The following PCDH9 variants were observed in gnomAD, a reference collection of about 807,000 sequenced individuals.
PCDH9 encodes the protein protocadherin-9.
PCDH9 carries 24 observed loss-of-function variants against 70.6 expected under a neutral mutation model. The observed-to-expected ratio is 0.34, with a 90% CI of 0.25 to 0.48. The LOEUF (loss-of-function observed/expected upper bound fraction) is 0.48. PCDH9 is among the 20% of genes least tolerant of loss of function. The pLI, the probability that PCDH9 is intolerant of heterozygous loss-of-function variation, is 0.99. For missense variants in PCDH9, 1,281 were observed against 1,503.6 expected, an observed-to-expected ratio of 0.85 and a Z score of 2.45; for synonymous variants, 562 against 558.5, an observed-to-expected ratio of 1.01 and a Z score of -0.09.
chr13:66,972,155 T>G (rs913516168), intron 2 of PCDH9, among the ~76,000 whole-genome samples: 1 of 151,958 alleles, frequency 6.6e-6, no homozygotes, highest in East Asian at 1.9e-4. Flanking sequence ...CACACACATG[T>G]ACACACAGAA....
intron 4 of PCDH9, among the ~76,000 whole-genome samples, chr13:66,544,794 G>T (rs190193928): frequency 6.6e-6 from 1 of 152,010 alleles, no homozygotes; most frequent in Non-Finnish European, 1.5e-5. Context: ...AGATTGATGC[G>T]GCCATCAATA....
At chr13:66,610,575 G>A (rs982429352) in intron 4 of PCDH9, among the ~76,000 whole-genome samples, 7 of 151,936 alleles carry the variant, frequency 4.6e-5, no homozygotes, top group African/African-American at 1.2e-4. Context: ...GTGGAGTATT[G>A]GTATTTCTGG....
At chr13:67,014,922 C>T (rs992895264) in intron 2 of PCDH9, among the ~76,000 whole-genome samples, 5 of 152,078 alleles carry the variant, frequency 3.3e-5, no homozygotes, top group Non-Finnish European at 7.4e-5. Flanking sequence ...AATTGTCTAC[C>T]CTTTTTTTCT....
chr13:67,062,307 T>C (rs2085554786), intron 2 of PCDH9, among the ~76,000 whole-genome samples: 1 of 152,156 alleles, frequency 6.6e-6, no homozygotes, highest in South Asian at 2.1e-4. Context: ...CTCAACATAT[T>C]ACAGGAAAAA....
chr13:67,215,009 C>T (rs1327826962), intron 2 of PCDH9: 1 of 132,182 alleles, frequency 7.6e-6, no homozygotes, highest in Non-Finnish European at 1.6e-5. Flanking sequence ...ATGGATTTGG[C>T]ATGATTACAC....
intron 3 of PCDH9, among the ~76,000 whole-genome samples, chr13:66,829,299 G>C (rs1311616496): frequency 2.0e-5 from 3 of 152,254 alleles, no homozygotes; most frequent in African/African-American, 7.2e-5. Flanking sequence ...TTACAGGCGT[G>C]AGCCATCGCT....
intron 4 of PCDH9, among the ~76,000 whole-genome samples, chr13:66,397,291 C>T (rs1957116259): frequency 6.6e-6 from 1 of 151,910 alleles, no homozygotes. Context: ...TAGTGGCTTG[C>T]ACCTGTTGTC....
chr13:66,516,257 G>A, intron 4 of PCDH9, among the ~76,000 whole-genome samples: 1 of 151,910 alleles, frequency 6.6e-6, no homozygotes, highest in East Asian at 1.9e-4. Context: ...AACTTATTAA[G>A]ACAATCACGT....
At chr13:67,174,068 C>A (rs904068455) in intron 2 of PCDH9, among the ~76,000 whole-genome samples, 21 of 151,886 alleles carry the variant, frequency 1.4e-4, no homozygotes, top group Non-Finnish European at 2.6e-4. Context: ...TTTAAAGCAT[C>A]TTTATTTTTT....
At chr13:66,979,037 A>G (rs966196496) in intron 2 of PCDH9, among the ~76,000 whole-genome samples, 2 of 152,034 alleles carry the variant, frequency 1.3e-5, no homozygotes, top group Non-Finnish European at 2.9e-5. Context: ...CTTTTATTCT[A>G]ATGTTGAATA....
chr13:67,141,229 A>G (rs2087378534), intron 2 of PCDH9, among the ~76,000 whole-genome samples: 1 of 152,160 alleles, frequency 6.6e-6, no homozygotes, highest in South Asian at 2.1e-4. Flanking sequence ...GTTATGAGTA[A>G]GTGGAAAAAG....
rs111402575 is a variant in PCDH9 at position 67,160,268 on chromosome 13, G to A, written c.3036+65137C>T. On this transcript the variant is annotated intron_variant, in intron 2 of 4. Coordinates refer to ENST00000377865, the MANE Select transcript of PCDH9 (RefSeq NM_203487.3). ...TTTTGATTAAAAACACAACCTGGCC[G>A]GGTGCGGTGGCTCACGCCTGTAATC... Among the ~76,000 whole-genome samples the A allele has an allele frequency of 7.9e-3, 1,203 of 152,254 alleles. 17 individuals carry two copies. The highest frequency in any genetic ancestry group is 0.027 in the African/African-American group (1,138 of 41,554).
intron 4 of PCDH9, among the ~76,000 whole-genome samples, chr13:66,357,460 G>C (rs2138185901): frequency 6.6e-6 from 1 of 152,142 alleles, no homozygotes; most frequent in African/African-American, 2.4e-5. Flanking sequence ...CACTAACAGA[G>C]AATAGCCACA....
intron 2 of PCDH9, among the ~76,000 whole-genome samples, chr13:67,008,062 A>G (rs1393115560): frequency 6.6e-6 from 1 of 152,140 alleles, no homozygotes; most frequent in African/African-American, 2.4e-5. Flanking sequence ...CATACATTTT[A>G]TTAAACTTAG....
chr13:66,447,205 T>C (rs1958109887), intron 4 of PCDH9, among the ~76,000 whole-genome samples: 1 of 152,084 alleles, frequency 6.6e-6, no homozygotes, highest in Non-Finnish European at 1.5e-5. Flanking sequence ...GCTTCTAATA[T>C]ATTTTTAAGT....
At chr13:66,713,647 ATATATAAT>A (rs2078828636) in intron 3 of PCDH9, among the ~76,000 whole-genome samples, 1 of 144,770 alleles carries the variant, frequency 6.9e-6, no homozygotes, top group African/African-American at 2.5e-5. Flanking sequence ...ATATATATAT[ATATATAAT>A]GTACACACAC....
At chr13:66,609,929 C>T (rs2077270006) in intron 4 of PCDH9, among the ~76,000 whole-genome samples, 1 of 150,870 alleles carries the variant, frequency 6.6e-6, no homozygotes, top group Non-Finnish European at 1.5e-5. Context: ...ACACTGATAC[C>T]AGTAAGGAGA....
At chr13:66,790,998 C>A (rs896767612) in intron 3 of PCDH9, among the ~76,000 whole-genome samples, 1 of 152,080 alleles carries the variant, frequency 6.6e-6, no homozygotes. Context: ...TCTAAACAGG[C>A]GATTTACCAT....
chr13:66,995,376 C>T (rs946324839), intron 2 of PCDH9, among the ~76,000 whole-genome samples: 1 of 152,048 alleles, frequency 6.6e-6, no homozygotes, highest in Non-Finnish European at 1.5e-5. Flanking sequence ...CTGAGGCTAA[C>T]AAAACAAGGG....
Sources: allele counts gnomAD v4.1 joint callset (sites outside exome capture counted in the v4.1 genomes callset), GRCh38; gene constraint gnomAD v4.1.1; transcripts MANE v1.5; gene names NCBI Gene and HGNC (gene_info 2026-07-23, HGNC 2026-07-21).